The following AKAP19 variants were observed in gnomAD, a reference collection of about 807,000 sequenced individuals.
The protein encoded by AKAP19 is small A-kinase anchoring protein.
the AKAP19 span, among the ~76,000 whole-genome samples, chr2:190,044,882 G>A: frequency 6.6e-6 from 1 of 152,188 alleles, no homozygotes; most frequent in African/African-American, 2.4e-5. Flanking sequence ...GGCACCTGTA[G>A]GAGGTCACTG....
chr2:190,006,593 CAT>C, the AKAP19 span, among the ~76,000 whole-genome samples: 1 of 145,756 alleles, frequency 6.9e-6, no homozygotes, highest in South Asian at 2.2e-4. Flanking sequence ...GAGCCGAGAT[CAT>C]GCCACTGCAC....
At chr2:190,127,583 A>T in the AKAP19 span, among the ~76,000 whole-genome samples, 3 of 152,180 alleles carry the variant, frequency 2.0e-5, no homozygotes, top group African/African-American at 7.2e-5. Flanking sequence ...GCCACTAAAG[A>T]TCTGTAGGAG....
chr2:189,968,445 G>A, the AKAP19 span, among the ~76,000 whole-genome samples: 23 of 152,076 alleles, frequency 1.5e-4, no homozygotes, highest in Admixed American at 9.2e-4. Flanking sequence ...TCACTATATT[G>A]CCCAGGCTGG....
chr2:189,998,771 CTTTTT>C, the AKAP19 span, among the ~76,000 whole-genome samples: 28 of 97,540 alleles, frequency 2.9e-4, no homozygotes, highest in Admixed American at 9.5e-4. Flanking sequence ...TTCTTTCTTT[CTTTTT>C]TTTTTTTTTT....
At chr2:189,915,765 T>C in the AKAP19 span, among the ~76,000 whole-genome samples, 1 of 152,118 alleles carries the variant, frequency 6.6e-6, no homozygotes, top group African/African-American at 2.4e-5. Flanking sequence ...TATAAGGTAA[T>C]TCTTAAGGGG....
chr2:190,125,969 TATTA>T, the AKAP19 span, among the ~76,000 whole-genome samples: 26 of 152,020 alleles, frequency 1.7e-4, no homozygotes, highest in Non-Finnish European at 3.2e-4. Flanking sequence ...AATTCAGATT[TATTA>T]ATTATCACAG....
the AKAP19 span, chr2:189,930,730 C>G: frequency 3.2e-6 from 2 of 625,570 alleles, no homozygotes; most frequent in African/African-American, 1.9e-5. Flanking sequence ...GTCCATCATA[C>G]AGATCACACA....
chr2:190,020,104 A>G, the AKAP19 span, among the ~76,000 whole-genome samples: 2 of 152,174 alleles, frequency 1.3e-5, no homozygotes, highest in Non-Finnish European at 2.9e-5. Flanking sequence ...ATCTCACTCT[A>G]TGTCGACTGT....
the AKAP19 span, among the ~76,000 whole-genome samples, chr2:190,031,927 T>A: frequency 6.6e-6 from 1 of 152,216 alleles, no homozygotes; most frequent in Admixed American, 6.5e-5. Flanking sequence ...AAATTTGTAA[T>A]TTTAAATGCC....
the AKAP19 span, among the ~76,000 whole-genome samples, chr2:189,998,907 G>A: frequency 4.6e-5 from 7 of 150,816 alleles, no homozygotes; most frequent in Admixed American, 4.0e-4. Flanking sequence ...AAGTAGCTGC[G>A]ATTACAGGTG....
chr2:189,953,294 A>G, the AKAP19 span, among the ~76,000 whole-genome samples: 1 of 152,214 alleles, frequency 6.6e-6, no homozygotes, highest in Non-Finnish European at 1.5e-5. Flanking sequence ...TAATAAAATC[A>G]GCTGACAGTT....
At chr2:190,146,584 T>C in the AKAP19 span, among the ~76,000 whole-genome samples, 3 of 152,222 alleles carry the variant, frequency 2.0e-5, no homozygotes, top group Non-Finnish European at 4.4e-5. Flanking sequence ...CACACTCTTT[T>C]CCATAGCAGC....
chr2:190,013,541 A>G, the AKAP19 span, among the ~76,000 whole-genome samples: 1 of 151,474 alleles, frequency 6.6e-6, no homozygotes, highest in Non-Finnish European at 1.5e-5. Flanking sequence ...TTTGAGATGG[A>G]GTCTCGCTCT....
the AKAP19 span, among the ~76,000 whole-genome samples, chr2:190,097,859 C>CAAAAAAAAAAAA: frequency 1.9e-4 from 12 of 64,428 alleles, no homozygotes; most frequent in East Asian, 4.0e-4. Flanking sequence ...TGGTTTCTAC[C>CAAAAAAAAAAAA]AAAAAAAAAA....
chr2:190,118,379 C>T, the AKAP19 span, among the ~76,000 whole-genome samples: 3 of 152,194 alleles, frequency 2.0e-5, no homozygotes, highest in Non-Finnish European at 4.4e-5. Context: ...AGGCCAGCAT[C>T]ATCCTGATAG....
the AKAP19 span, among the ~76,000 whole-genome samples, chr2:189,968,660 T>A: frequency 6.6e-6 from 1 of 152,002 alleles, no homozygotes; most frequent in Non-Finnish European, 1.5e-5. Context: ...TGCAGAAAGG[T>A]TGAGAGTAGA....
At chr2:189,910,031 G>A in the AKAP19 span, among the ~76,000 whole-genome samples, 1 of 151,626 alleles carries the variant, frequency 6.6e-6, no homozygotes, top group African/African-American at 2.4e-5. Flanking sequence ...TATGTATAAG[G>A]TCTTGTGTTA....
chr2:190,163,443 A>G, the AKAP19 span, among the ~76,000 whole-genome samples: 2 of 137,466 alleles, frequency 1.5e-5, no homozygotes, highest in African/African-American at 5.5e-5. Context: ...CAAAAAAACA[A>G]AAAACAAAAA....
the AKAP19 span, chr2:189,923,608 C>T: frequency 6.2e-7 from 1 of 1,614,028 alleles, no homozygotes; most frequent in South Asian, 1.1e-5. Flanking sequence ...CAAAAGTGAA[C>T]CGAGGAAAAG....
Sources: allele counts gnomAD v4.1 joint callset (sites outside exome capture counted in the v4.1 genomes callset), GRCh38; gene constraint gnomAD v4.1.1; transcripts MANE v1.5; gene names NCBI Gene and HGNC (gene_info 2026-07-23, HGNC 2026-07-21).